The following COL6A6 variants were observed in gnomAD, a reference collection of about 807,000 sequenced individuals.
COL6A6 encodes the protein collagen type VI alpha 6 chain, also known as collagen alpha-6(VI) chain.
In COL6A6, 183 loss-of-function variants were observed where a neutral mutation model predicts 208.6. The ratio of observed to expected loss-of-function variants is 0.88; its 90% CI spans 0.78 to 0.99. The LOEUF (loss-of-function observed/expected upper bound fraction) is 0.99, where lower values mean the gene tolerates loss of function less well. Among genes scored for constraint, COL6A6 ranks in the 50% least tolerant of loss-of-function variants. COL6A6 has a pLI of 0.00. For missense variants in COL6A6, 2,816 were observed against 2,815.2 expected, an observed-to-expected ratio of 1.00 and a Z score of -0.01; for synonymous variants, 973 against 1,011.8, an observed-to-expected ratio of 0.96 and a Z score of 0.73.
chr3:130,577,615 G>A (rs2063327958), intron 8 of COL6A6, among the ~76,000 whole-genome samples: 1 of 152,194 alleles, frequency 6.6e-6, no homozygotes, highest in Admixed American at 6.5e-5. Context: ...GGTAGAATAA[G>A]GTGGTTCAGC....
At chr3:130,551,671 G>T (rs1054979976) in intron 1 of COL6A6, among the ~76,000 whole-genome samples, 3 of 141,954 alleles carry the variant, frequency 2.1e-5, no homozygotes, top group Non-Finnish European at 3.0e-5. Flanking sequence ...CTTCATTTCA[G>T]CTCTGATTTT....
chr3:130,520,977 G>C (rs1470797792), intron 1 of COL6A6, among the ~76,000 whole-genome samples: 2 of 152,194 alleles, frequency 1.3e-5, no homozygotes, highest in Admixed American at 1.3e-4. Context: ...TGGTAGAGGG[G>C]AGGGAAGAAG....
At chr3:130,572,905 A>C (rs947556172) in intron 7 of COL6A6, among the ~76,000 whole-genome samples, 3 of 152,166 alleles carry the variant, frequency 2.0e-5, no homozygotes, top group African/African-American at 7.2e-5. Flanking sequence ...GGAAACGATC[A>C]TGCTTACCAG....
intron 27 of COL6A6, 127 bp downstream of exon 27, chr3:130,634,752 G>A (rs2065061244): frequency 1.1e-5 from 7 of 661,876 alleles, no homozygotes; most frequent in Non-Finnish European, 1.8e-5. Flanking sequence ...GGAGAAGGAG[G>A]GAAGAAAGAA....
intron 8 of COL6A6, among the ~76,000 whole-genome samples, chr3:130,579,782 T>G (rs1296455851): frequency 6.6e-6 from 1 of 152,172 alleles, no homozygotes; most frequent in East Asian, 1.9e-4. Context: ...AAGACAGGGC[T>G]CCTGATTTAA....
chr3:130,559,698 T>G (rs1214515969), intron 1 of COL6A6, among the ~76,000 whole-genome samples: 3 of 152,196 alleles, frequency 2.0e-5, no homozygotes, highest in Non-Finnish European at 4.4e-5. Context: ...TGAAAATGCT[T>G]TAGGCCAAAA....
chr3:130,563,540 G>T lies in COL6A6; in HGVS notation c.537G>T (p.Thr179=). Reference sequence around the variant, plus strand: ...AGGAAAACCTGAAGGCCATGGCCACGTCTCAGTTTCATTTCAACCTTCGGA... The same window carrying T: ...AGGAAAACCTGAAGGCCATGGCCACTTCTCAGTTTCATTTCAACCTTCGGA... ...ASEENLKAMA[T]SQFHFNLRTV... The change falls in exon 3 of 37, where the codon ACG becomes ACT. Residue 179 remains threonine, a synonymous_variant. Transcript: ENST00000358511. 1 of 1,613,960 alleles carries T rather than the reference G, an allele frequency of 6.2e-7. No individual in the cohort carries two copies. The highest frequency in any genetic ancestry group is 8.5e-7 in the Non-Finnish European group (1 of 1,179,878).
chr3:130,582,409 A>T (rs1286901589), intron 10 of COL6A6, among the ~76,000 whole-genome samples: 2 of 152,178 alleles, frequency 1.3e-5, no homozygotes, highest in Admixed American at 1.3e-4. Context: ...ACCAGAAGAG[A>T]AGAGTATATT....
chr3:130,533,316 CA>C (rs2062150796), intron 1 of COL6A6, among the ~76,000 whole-genome samples: 1 of 146,922 alleles, frequency 6.8e-6, no homozygotes, highest in Admixed American at 6.8e-5. Context: ...AATTTAATAA[CA>C]ATGGATTTCA....
At chr3:130,621,495 C>T (rs1263473285) in intron 23 of COL6A6, among the ~76,000 whole-genome samples, 1 of 152,200 alleles carries the variant, frequency 6.6e-6, no homozygotes, top group African/African-American at 2.4e-5. Context: ...TAGTTCAAGG[C>T]AAATGTCATT....
chr3:130,571,465 C>T, intron 7 of COL6A6, 72 bp downstream of exon 7: 1 of 1,113,838 alleles, frequency 9.0e-7, no homozygotes, highest in Non-Finnish European at 1.3e-6. Context: ...AAAGCAATGG[C>T]TCTCAGGAAC....
intron 1 of COL6A6, among the ~76,000 whole-genome samples, chr3:130,546,157 C>T (rs139980932): frequency 0.021 from 3,213 of 152,220 alleles, 119 homozygotes; most frequent in African/African-American, 0.072. Context: ...CGGACCCTCG[C>T]GGTGAGTGTT....
Position 130,563,245 on chromosome 3 carries a change from T to C in COL6A6, c.242T>C (p.Leu81Pro), listed in dbSNP as rs750003075. The C allele has an allele frequency of 1.2e-6, 2 of 1,614,044 alleles. No individual in the cohort carries two copies. Among genetic ancestry groups the C allele is most frequent in the Non-Finnish European group, 1.7e-6 (2 of 1,179,894 alleles). ...GATAAACTTCACAGTGAATTCCACC[T>C]GAGCACCTTCAAAGGCAGGAGCCCC... ...YSDKLHSEFH[L>P]STFKGRSPML... The change falls in exon 3 of 37, where the codon CTG becomes CCG. Residue 81 changes from leucine (L) to proline (P), a missense_variant. Physicochemically the swap from Leu to Pro is moderately conservative, Grantham distance 98. Coordinates refer to ENST00000358511, the MANE Select transcript of COL6A6 (RefSeq NM_001102608.3).
At chr3:130,642,243 ATGTGTGTGTGTGTG>A (rs3074299) in intron 29 of COL6A6, among the ~76,000 whole-genome samples, 249 of 142,148 alleles carry the variant, frequency 1.8e-3, no homozygotes, top group East Asian at 5.8e-3. Context: ...GACAGATTAT[ATGTGTGTGTGTGTG>A]TGTGTGTGTG....
chr3:130,658,137 G>C (rs1179379217), intron 33 of COL6A6, among the ~76,000 whole-genome samples: 1 of 152,184 alleles, frequency 6.6e-6, no homozygotes, highest in Non-Finnish European at 1.5e-5. Context: ...GAAACCTAAA[G>C]ATAGTTTATA....
intron 6 of COL6A6, among the ~76,000 whole-genome samples, chr3:130,570,481 T>C (rs1010236118): frequency 2.6e-5 from 4 of 152,234 alleles, no homozygotes; most frequent in Admixed American, 6.5e-5. Flanking sequence ...AAACCACTTA[T>C]ACAGGAAAAT....
At position 130,675,346 on chromosome 3, in the gene COL6A6, T is replaced by C. The variant is rs1468701084; in HGVS notation, c.6741T>C (p.His2247=). 7 of 1,601,808 alleles carry C rather than the reference T, an allele frequency of 4.4e-6. No homozygotes were observed. Among genetic ancestry groups the C allele is most frequent in the Admixed American group, 1.7e-5 (1 of 58,448 alleles). Reference sequence around the variant, plus strand: ...AAAATTTTATGAGAAGCACCTCCCATACCTTTAAGAATGGAAGGATGATAG... The same window carrying C: ...AAAATTTTATGAGAAGCACCTCCCACACCTTTAAGAATGGAAGGATGATAG... ...AIQNFMRSTS[H]TFKNGRMIES... The change falls in exon 37 of 37, where the codon CAT becomes CAC. Residue 2247 remains histidine, a synonymous_variant. Transcript: ENST00000358511.
At chr3:130,589,854 T>A in intron 12 of COL6A6, 1 of 283,152 alleles carries the variant, frequency 3.5e-6, no homozygotes, top group Non-Finnish European at 7.1e-6. Context: ...TACAGTTTGT[T>A]TACATGTGTT....
intron 18 of COL6A6, 109 bp downstream of exon 18, chr3:130,594,452 C>G (rs1013098349): frequency 2.5e-6 from 2 of 787,604 alleles, no homozygotes; most frequent in African/African-American, 1.7e-5. Flanking sequence ...TTTAAAACAC[C>G]ACAGGCATGA....
Sources: allele counts gnomAD v4.1 joint callset (sites outside exome capture counted in the v4.1 genomes callset), GRCh38; gene constraint gnomAD v4.1.1; transcripts MANE v1.5; gene names NCBI Gene and HGNC (gene_info 2026-07-23, HGNC 2026-07-21).